Variants in CEACAM4 observed in about 807,000 individuals in gnomAD.
The protein encoded by CEACAM4 is cell adhesion molecule CEACAM4.
In CEACAM4, 30 loss-of-function variants were observed where a neutral mutation model predicts 28.7. The observed-to-expected ratio is 1.05, with a 90% CI of 0.78 to 1.42. CEACAM4 has a LOEUF of 1.42. CEACAM4 is among the 40% of genes most tolerant of loss of function. CEACAM4 has a pLI of 0.00. For synonymous variants in CEACAM4, 143 were observed against 126.5 expected, an observed-to-expected ratio of 1.13 and a Z score of -0.87; for missense variants, 330 against 308.2, an observed-to-expected ratio of 1.07 and a Z score of -0.53.
intron 2 of CEACAM4, among the ~76,000 whole-genome samples, 191 bp downstream of exon 2, chr19:41,625,410 G>C (rs2071575388): frequency 6.6e-6 from 1 of 152,132 alleles, no homozygotes; most frequent in African/African-American, 2.4e-5. Context: ...GTGTCTGCAG[G>C]GCCTGGATGC....
chr19:41,622,894 A>G (rs545623093), intron 2 of CEACAM4, among the ~76,000 whole-genome samples: 94 of 126,908 alleles, frequency 7.4e-4, no homozygotes, highest in Middle Eastern at 4.0e-3. Flanking sequence ...AGATAGATAG[A>G]TAGATATAGT....
chr19:41,625,484 A>C, intron 2 of CEACAM4, 117 bp downstream of exon 2: 1 of 1,297,922 alleles, frequency 7.7e-7, no homozygotes, highest in Non-Finnish European at 1.1e-6. Flanking sequence ...TAAATGCCCA[A>C]ATCTCAACAC....
At chr19:41,623,419 ATTTTTT>A (rs57004828) in intron 2 of CEACAM4, among the ~76,000 whole-genome samples, 2,410 of 105,124 alleles carry the variant, frequency 0.023, 60 homozygotes, top group African/African-American at 0.075. Context: ...TTCGAACTGC[ATTTTTT>A]TTTTTTTTTT....
downstream of CEACAM4, among the ~76,000 whole-genome samples, chr19:41,615,284 T>C (rs1457912669): frequency 2.6e-5 from 4 of 151,712 alleles, no homozygotes; most frequent in African/African-American, 4.8e-5. Context: ...AGCATGTCAG[T>C]ATAGATCTGA....
At chr19:41,626,813 G>T (rs1321953659) in intron 1 of CEACAM4, 87 bp downstream of exon 1, 5 of 1,196,240 alleles carry the variant, frequency 4.2e-6, no homozygotes, top group Non-Finnish European at 4.8e-6. Flanking sequence ...ACCCCAGCCA[G>T]AAGCCCTCTA....
chr19:41,615,228 C>T (rs1008915983), downstream of CEACAM4, among the ~76,000 whole-genome samples: 2 of 151,890 alleles, frequency 1.3e-5, no homozygotes, highest in Non-Finnish European at 2.9e-5. Context: ...GCACCTGGTT[C>T]GGTGGGATTT....
intron 2 of CEACAM4, among the ~76,000 whole-genome samples, chr19:41,622,865 G>A (rs868940093): frequency 1.1e-4 from 14 of 123,848 alleles, no homozygotes; most frequent in Non-Finnish European, 1.7e-4. Flanking sequence ...TAGATAGATA[G>A]ATAGATAGAT....
At chr19:41,626,108 GTGT>G in intron 1 of CEACAM4, 148 bp from the exon 2 acceptor site, 1 of 579,836 alleles carries the variant, frequency 1.7e-6, no homozygotes, top group African/African-American at 2.0e-5. Flanking sequence ...GTGTGTGTGT[GTGT>G]GTGTGTGTGT....
chr19:41,622,853 T>TATAGATAGATAGATAG (rs1288831230), intron 2 of CEACAM4, among the ~76,000 whole-genome samples: 25 of 132,332 alleles, frequency 1.9e-4, no homozygotes, highest in South Asian at 7.6e-4. Context: ...TATACATATA[T>TATAGATAGATAGATAG]ATAGATAGAT....
intron 2 of CEACAM4, among the ~76,000 whole-genome samples, chr19:41,625,368 C>G (rs963726281): frequency 4.6e-5 from 7 of 152,034 alleles, no homozygotes; most frequent in Admixed American, 1.3e-4. Context: ...GACTGACCTC[C>G]CCCTGCTGAG....
downstream of CEACAM4, among the ~76,000 whole-genome samples, chr19:41,616,971 GA>G (rs2070992880): frequency 1.3e-5 from 2 of 152,236 alleles, no homozygotes; most frequent in Admixed American, 1.3e-4. Flanking sequence ...TAAAAACCAT[GA>G]TATCCAGACA....
At chr19:41,626,291 G>A (rs2071660434) in intron 1 of CEACAM4, among the ~76,000 whole-genome samples, 1 of 152,096 alleles carries the variant, frequency 6.6e-6, no homozygotes, top group South Asian at 2.1e-4. Flanking sequence ...ACCTCCTCTA[G>A]AGACCCTGGG....
At chr19:41,626,084 G>A (rs1555804077) in intron 1 of CEACAM4, 124 bp from the exon 2 acceptor site, 1 of 337,702 alleles carries the variant, frequency 3.0e-6, no homozygotes, top group Non-Finnish European at 4.9e-6. Flanking sequence ...GTGTGTGTGT[G>A]TGTGTGTGTG....
chr19:41,622,859 TAG>T (rs2071386928), intron 2 of CEACAM4, among the ~76,000 whole-genome samples: 3,163 of 147,036 alleles, frequency 0.022, 113 homozygotes, highest in African/African-American at 0.078. Flanking sequence ...TATATATAGA[TAG>T]ATAGATAGAT....
At position 41,626,965 on chromosome 19, in the gene CEACAM4, G is replaced by A. The variant is rs781945879; in HGVS notation, c.-2C>T. ...GGGAGCGGCTGAGGGGGGGCCCATG[G>A]TCTCTGCTGCCTGCTTGTCCTCTGT... On this transcript the variant is annotated 5_prime_UTR_variant, in exon 1 of 7. Coordinates refer to ENST00000221954, the MANE Select transcript of CEACAM4 (RefSeq NM_001817.4). The A allele has an allele frequency of 5.0e-6, 8 of 1,603,306 alleles. No homozygotes were observed. The Admixed American group carries it at 6.8e-5, about 14-fold the overall frequency.
At chr19:41,620,537 C>A in intron 4 of CEACAM4, 38 bp downstream of exon 4, 1 of 1,589,138 alleles carries the variant, frequency 6.3e-7, no homozygotes, top group East Asian at 2.2e-5. Context: ...GTAGGGCAGG[C>A]CTAGGGGCTC....
downstream of CEACAM4, among the ~76,000 whole-genome samples, chr19:41,614,785 T>A (rs1321324466): frequency 6.6e-6 from 1 of 151,860 alleles, no homozygotes; most frequent in Non-Finnish European, 1.5e-5. Flanking sequence ...GTGGTGGGTG[T>A]TCTAGGAGGG....
chr19:41,626,844 C>T (rs1383826756), intron 1 of CEACAM4, 56 bp downstream of exon 1: 3 of 1,509,770 alleles, frequency 2.0e-6, no homozygotes, highest in Non-Finnish European at 2.8e-6. Flanking sequence ...CCCAAGAGAC[C>T]CCAGTCAGTC....
chr19:41,626,494 A>G (rs1312476467), intron 1 of CEACAM4, among the ~76,000 whole-genome samples: 9 of 152,214 alleles, frequency 5.9e-5, no homozygotes, highest in African/African-American at 2.2e-4. Flanking sequence ...AGATGAGTTC[A>G]TGAGCATTCT....
Sources: allele counts gnomAD v4.1 joint callset (sites outside exome capture counted in the v4.1 genomes callset), GRCh38; gene constraint gnomAD v4.1.1; transcripts MANE v1.5; gene names NCBI Gene and HGNC (gene_info 2026-07-23, HGNC 2026-07-21).